The following AFG2A variants were observed in gnomAD, a reference collection of about 807,000 sequenced individuals.
AFG2A encodes the protein AAA ATPase AFG2A.
At chr4:123,047,871 T>A in the AFG2A span, among the ~76,000 whole-genome samples, 9 of 152,206 alleles carry the variant, frequency 5.9e-5, no homozygotes, top group East Asian at 7.7e-4. Flanking sequence ...CCTATTTTTT[T>A]AAATTATTAT....
At chr4:123,300,656 C>G in the AFG2A span, among the ~76,000 whole-genome samples, 1 of 152,082 alleles carries the variant, frequency 6.6e-6, no homozygotes, top group Non-Finnish European at 1.5e-5. Flanking sequence ...TTAATACATG[C>G]CACTTGTAAA....
chr4:122,937,237 C>G, the AFG2A span, among the ~76,000 whole-genome samples: 2 of 152,178 alleles, frequency 1.3e-5, no homozygotes, highest in East Asian at 1.9e-4. Flanking sequence ...AGACCAATAT[C>G]CTAATACTCA....
the AFG2A span, among the ~76,000 whole-genome samples, chr4:122,948,609 G>A: frequency 6.6e-6 from 1 of 152,092 alleles, no homozygotes; most frequent in Non-Finnish European, 1.5e-5. Context: ...AAGTTTGAGA[G>A]GCCAAAGAAG....
the AFG2A span, among the ~76,000 whole-genome samples, chr4:123,064,038 A>G: frequency 1.3e-5 from 2 of 152,198 alleles, no homozygotes; most frequent in Non-Finnish European, 2.9e-5. Flanking sequence ...GAAAGTATCT[A>G]ATTATAACCA....
the AFG2A span, among the ~76,000 whole-genome samples, chr4:123,209,712 G>A: frequency 6.7e-6 from 1 of 150,228 alleles, no homozygotes; most frequent in Non-Finnish European, 1.5e-5. Flanking sequence ...TCAGCTTCCT[G>A]AGTAGCTGGG....
At chr4:123,073,040 A>C in the AFG2A span, among the ~76,000 whole-genome samples, 2 of 152,124 alleles carry the variant, frequency 1.3e-5, no homozygotes, top group African/African-American at 4.8e-5. Flanking sequence ...CATATTTGAC[A>C]CTTTTTGTGT....
chr4:123,124,583 C>T, the AFG2A span, among the ~76,000 whole-genome samples: 1 of 152,118 alleles, frequency 6.6e-6, no homozygotes, highest in Non-Finnish European at 1.5e-5. Context: ...CACATGTATA[C>T]ATGTGTAACA....
chr4:123,051,640 C>CTTTTT, the AFG2A span, among the ~76,000 whole-genome samples: 15 of 96,044 alleles, frequency 1.6e-4, no homozygotes, highest in Non-Finnish European at 1.9e-4. Flanking sequence ...ATTTCCTCAG[C>CTTTTT]TTTTTTTTTT....
the AFG2A span, among the ~76,000 whole-genome samples, chr4:123,116,880 GAAA>G: frequency 6.7e-6 from 1 of 148,636 alleles, no homozygotes; most frequent in African/African-American, 2.6e-5. Context: ...TCATGGACAT[GAAA>G]TGAAACTTCT....
chr4:123,083,784 T>C, the AFG2A span, among the ~76,000 whole-genome samples: 3 of 152,080 alleles, frequency 2.0e-5, no homozygotes, highest in Admixed American at 2.0e-4. Context: ...GTTTTCTTTT[T>C]TTGTGATATG....
the AFG2A span, among the ~76,000 whole-genome samples, chr4:123,121,388 T>C: frequency 0.037 from 5,560 of 152,258 alleles, 331 homozygotes; most frequent in African/African-American, 0.12. Flanking sequence ...TACAGTAATG[T>C]CCTGGGCCTT....
At chr4:123,004,340 T>C in the AFG2A span, among the ~76,000 whole-genome samples, 1 of 152,208 alleles carries the variant, frequency 6.6e-6, no homozygotes, top group South Asian at 2.1e-4. Flanking sequence ...TGTCTGGCAC[T>C]CCCTAGTGAG....
At chr4:123,115,220 C>G in the AFG2A span, among the ~76,000 whole-genome samples, 2 of 151,066 alleles carry the variant, frequency 1.3e-5, no homozygotes, top group Non-Finnish European at 3.0e-5. Context: ...GGCTCCTCCT[C>G]GCACAGCTTG....
the AFG2A span, among the ~76,000 whole-genome samples, chr4:123,124,660 A>G: frequency 7.2e-5 from 11 of 152,290 alleles, no homozygotes; most frequent in African/African-American, 1.9e-4. Context: ...AAAAAAAACC[A>G]TGTTCTTATT....
At chr4:123,241,339 T>C in the AFG2A span, among the ~76,000 whole-genome samples, 2 of 152,146 alleles carry the variant, frequency 1.3e-5, no homozygotes, top group African/African-American at 4.8e-5. Context: ...AAAAAGAGAA[T>C]TTTAGACCAA....
chr4:123,177,446 C>T, the AFG2A span, among the ~76,000 whole-genome samples: 1 of 152,148 alleles, frequency 6.6e-6, no homozygotes, highest in East Asian at 1.9e-4. Flanking sequence ...CCAAAGTGCT[C>T]TGATTTGGGA....
At chr4:123,023,876 C>T in the AFG2A span, among the ~76,000 whole-genome samples, 1 of 151,984 alleles carries the variant, frequency 6.6e-6, no homozygotes, top group Non-Finnish European at 1.5e-5. Context: ...TCTCATTAGT[C>T]TCATCCGCCA....
At chr4:123,137,688 A>C in the AFG2A span, among the ~76,000 whole-genome samples, 1 of 152,058 alleles carries the variant, frequency 6.6e-6, no homozygotes, top group Admixed American at 6.5e-5. Context: ...ATTTAGTATA[A>C]ATTTCCATAT....
the AFG2A span, among the ~76,000 whole-genome samples, chr4:123,297,398 GACT>G: frequency 6.6e-6 from 1 of 152,142 alleles, no homozygotes; most frequent in African/African-American, 2.4e-5. Flanking sequence ...ATGTTACCTA[GACT>G]ACTAATGAAC....
Sources: allele counts gnomAD v4.1 joint callset (sites outside exome capture counted in the v4.1 genomes callset), GRCh38; gene constraint gnomAD v4.1.1; transcripts MANE v1.5; gene names NCBI Gene and HGNC (gene_info 2026-07-23, HGNC 2026-07-21).